SIN3A: variants seen among roughly 807,000 people sequenced by gnomAD.
SIN3A encodes SIN3 transcription regulator family member A.
A neutral mutation model predicts 146.1 loss-of-function variants in SIN3A; 14 were observed. The ratio of observed to expected loss-of-function variants is 0.10; its 90% CI spans 0.06 to 0.15. SIN3A has a LOEUF of 0.15. SIN3A is among the 10% of genes least tolerant of loss of function. The probability of loss-of-function intolerance (pLI) is 1.00; values close to 1 mark genes in which losing one functional copy is unlikely to be tolerated. For synonymous variants in SIN3A, 572 were observed against 572.0 expected (o/e 1.00, Z 0.00); for missense variants, 1,028 against 1,576.0 (o/e 0.65, Z 5.89).
intron 8 of SIN3A, among the ~76,000 whole-genome samples, chr15:75,409,531 C>G (rs2073587172): frequency 6.6e-6 from 1 of 151,462 alleles, no homozygotes; most frequent in Admixed American, 6.6e-5. Context: ...TCGAGACCAT[C>G]CTGGCTAACA....
intron 1 of SIN3A, among the ~76,000 whole-genome samples, chr15:75,445,908 T>C: frequency 6.6e-6 from 1 of 152,156 alleles, no homozygotes. Context: ...CACACAAACA[T>C]GGGCACATAA....
chr15:75,440,956 T>TG (rs2074197727), intron 1 of SIN3A, among the ~76,000 whole-genome samples: 4 of 125,840 alleles, frequency 3.2e-5, no homozygotes. Flanking sequence ...CACTCCAGCC[T>TG]GGGTGACAGA....
intron 10 of SIN3A, 140 bp from the exon 11 acceptor site, chr15:75,401,080 G>GA: frequency 1.6e-6 from 1 of 635,748 alleles, no homozygotes; most frequent in South Asian, 1.9e-5. Flanking sequence ...AACTGCTTCT[G>GA]AGCATTTGGT....
chr15:75,381,724 A>G lies in SIN3A; in HGVS notation c.3196-19T>C. The G allele has an allele frequency of 1.9e-6, 3 of 1,591,316 alleles. No homozygotes were observed. Among genetic ancestry groups the G allele is most frequent in the Non-Finnish European group, 1.7e-6 (2 of 1,159,574 alleles). On this transcript the variant is annotated intron_variant, in intron 17 of 20. Coordinates refer to ENST00000394947, the MANE Select transcript of SIN3A (RefSeq NM_001145358.2). ...ACATAAGCTGCAAATAAGAAACCTAAGCGTAAACAAAAGACCGTCTCTGTA... is the reference window on the plus strand; with the variant it reads ...ACATAAGCTGCAAATAAGAAACCTAGGCGTAAACAAAAGACCGTCTCTGTA...
At chr15:75,405,511 T>C (rs1302405927) in intron 9 of SIN3A, among the ~76,000 whole-genome samples, 2 of 151,718 alleles carry the variant, frequency 1.3e-5, no homozygotes, top group Non-Finnish European at 2.9e-5. Context: ...TCCCAGCATT[T>C]TGGGAGGCTG....
intron 2 of SIN3A, among the ~76,000 whole-genome samples, chr15:75,426,713 T>C (rs1209995052): frequency 2.0e-5 from 3 of 152,244 alleles, no homozygotes; most frequent in East Asian, 1.9e-4. Flanking sequence ...GCAGATCACT[T>C]GAGTCCAAGA....
At chr15:75,374,735 G>T (rs764665936) in intron 20 of SIN3A, among the ~76,000 whole-genome samples, 3 of 152,142 alleles carry the variant, frequency 2.0e-5, no homozygotes, top group Non-Finnish European at 4.4e-5. Context: ...CTTTTGTCTA[G>T]AAAACACCCA....
chr15:75,396,373 T>A lies in SIN3A; in HGVS notation c.1978A>T (p.Thr660Ser), dbSNP rs1292897653. ...GCTTTTCTATGGATGACTTCTGATG[T>A]GCCCCCAAGGGTGTTGTCCAAGCGA... is the stretch of plus-strand genomic sequence containing the variant. Reference protein sequence around the residue: ...KFRLDNTLGGTSEVIHRKALQ... With the variant: ...KFRLDNTLGGSSEVIHRKALQ... Residue 660 changes from threonine (T) to serine (S), a missense_variant, in exon 13 of 21, where the codon ACA (threonine) becomes TCA (serine). Physicochemically the swap from Thr to Ser is moderately conservative, Grantham distance 58. Coordinates refer to ENST00000394947, the MANE Select transcript of SIN3A (RefSeq NM_001145358.2). The A allele has an allele frequency of 6.2e-7, 1 of 1,614,172 alleles. No homozygotes were observed.
intron 1 of SIN3A, among the ~76,000 whole-genome samples, chr15:75,445,142 A>G (rs1469339043): frequency 6.6e-6 from 1 of 152,024 alleles, no homozygotes; most frequent in Non-Finnish European, 1.5e-5. Flanking sequence ...GCACTTCGGG[A>G]GGCCAAGGCA....
intron 12 of SIN3A, among the ~76,000 whole-genome samples, chr15:75,398,655 T>G (rs1176265964): frequency 6.6e-6 from 1 of 151,868 alleles, no homozygotes; most frequent in Admixed American, 6.6e-5. Flanking sequence ...TCCAGCCTGG[T>G]TGACAGAGCA....
intron 2 of SIN3A, among the ~76,000 whole-genome samples, chr15:75,427,083 C>CA (rs2073937769): frequency 6.6e-6 from 1 of 151,864 alleles, no homozygotes; most frequent in South Asian, 2.1e-4. Context: ...AAAAAAAAAT[C>CA]AAAGTGTGGC....
chr15:75,397,890 C>T (rs529463029), intron 12 of SIN3A, among the ~76,000 whole-genome samples: 8 of 152,314 alleles, frequency 5.3e-5, no homozygotes, highest in South Asian at 2.1e-4. Flanking sequence ...AAAGAAATGC[C>T]TTCTTTAGCT....
chr15:75,407,488 G>A (rs1382470831), intron 8 of SIN3A, among the ~76,000 whole-genome samples: 5 of 152,122 alleles, frequency 3.3e-5, no homozygotes, highest in African/African-American at 1.2e-4. Context: ...TAATGCCACT[G>A]TTTTGTTCTC....
At position 75,371,926 on chromosome 15, in the gene SIN3A, G is replaced by T. The variant is rs2072758410; in HGVS notation, c.*53C>A. The stretch of plus-strand genomic sequence containing the variant: ...GTTTCTTCAGTGTGTGAGTGCATAG[G>T]CCCACACACACATCCCCACACACAC... On this transcript the variant is annotated 3_prime_UTR_variant, in exon 21 of 21. Transcript: ENST00000394947. 6.7e-7 allele frequency: 1 copy of T among 1,481,784 alleles called. No individual in the cohort carries two copies. The highest frequency in any genetic ancestry group is 1.4e-5 in the African/African-American group (1 of 72,408). 91.8% of individuals were successfully genotyped at this position (1,481,784 alleles called of 1,614,324 possible). A position where few individuals can be genotyped will look rare whatever the true frequency, so the allele number is the denominator to read the frequency against.
chr15:75,400,996 G>T, intron 10 of SIN3A, 56 bp from the exon 11 acceptor site: 1 of 1,209,864 alleles, frequency 8.3e-7, no homozygotes, highest in Non-Finnish European at 1.2e-6. Flanking sequence ...CAGTTATCCT[G>T]AGGTATGACT....
chr15:75,377,624 CAA>C (rs531657362), intron 19 of SIN3A, among the ~76,000 whole-genome samples: 22 of 109,354 alleles, frequency 2.0e-4, no homozygotes, highest in Admixed American at 1.9e-4. Context: ...GACTCTGCCT[CAA>C]AAAAAAAAAA....
At chr15:75,402,784 G>A (rs1567351895) in intron 9 of SIN3A, among the ~76,000 whole-genome samples, 1 of 151,974 alleles carries the variant, frequency 6.6e-6, no homozygotes, top group African/African-American at 2.4e-5. Flanking sequence ...ACAGGCATGT[G>A]CTACTACACC....
chr15:75,390,837 A>G (rs1190374718), intron 15 of SIN3A, among the ~76,000 whole-genome samples: 1 of 152,190 alleles, frequency 6.6e-6, no homozygotes, highest in African/African-American at 2.4e-5. Flanking sequence ...CGGCCTCCCA[A>G]AGTGCTGGGA....
intron 3 of SIN3A, chr15:75,420,765 G>A (rs1379373771): frequency 6.6e-6 from 1 of 152,188 alleles, no homozygotes; most frequent in African/African-American, 2.4e-5. Context: ...ATCCAAAAAT[G>A]ACAGGCAATG....
Sources: allele counts gnomAD v4.1 joint callset (sites outside exome capture counted in the v4.1 genomes callset), GRCh38; gene constraint gnomAD v4.1.1; transcripts MANE v1.5; gene names NCBI Gene and HGNC (gene_info 2026-07-23, HGNC 2026-07-21).